Variants in ZNF518A observed in about 807,000 individuals in gnomAD.
The protein encoded by ZNF518A is zinc finger protein 518A, also known as zinc finger protein 518.
ZNF518A carries 47 observed loss-of-function variants against 102.7 expected under a neutral mutation model. That is an observed-to-expected ratio of 0.46 (90% CI 0.36 to 0.58). The LOEUF (loss-of-function observed/expected upper bound fraction) is 0.58, where lower values mean the gene tolerates loss of function less well. ZNF518A is among the 20% of genes least tolerant of loss of function. The probability of loss-of-function intolerance (pLI) is 0.00; values close to 1 mark genes in which losing one functional copy is unlikely to be tolerated. For missense variants in ZNF518A, 1,793 were observed against 1,699.8 expected, an observed-to-expected ratio of 1.05 and a Z score of -0.96; for synonymous variants, 652 against 594.6, an observed-to-expected ratio of 1.10 and a Z score of -1.40.
At chr10:96,175,388 C>T (rs2083197032) in intron 1 of ZNF518A, among the ~76,000 whole-genome samples, 1 of 152,112 alleles carries the variant, frequency 6.6e-6, no homozygotes, top group Admixed American at 6.5e-5. Flanking sequence ...TAATCTGGTC[C>T]CAAAACCTCA....
At chr10:96,187,064 A>G (rs1450256114) in intron 1 of ZNF518A, among the ~76,000 whole-genome samples, 1 of 152,240 alleles carries the variant, frequency 6.6e-6, no homozygotes, top group Non-Finnish European at 1.5e-5. Context: ...CCAAAGACCC[A>G]CAGTTCTCAT....
chr10:96,131,204 A>C (rs1277109742), intron 1 of ZNF518A, among the ~76,000 whole-genome samples: 1 of 152,258 alleles, frequency 6.6e-6, no homozygotes, highest in Non-Finnish European at 1.5e-5. Context: ...CCAAACTGTC[A>C]GGATAGGAAT....
rs1341584670 is a variant in ZNF518A at position 96,162,689 on chromosome 10, T to C, written c.*1915T>C. On this transcript the variant is annotated 3_prime_UTR_variant, in exon 6 of 6. Coordinates refer to ENST00000316045, the MANE Select transcript of ZNF518A (RefSeq NM_001330736.2). ...TTTAAAGAATGGTAAGCATTGTTAA[T>C]TTCTGTAATGAACATTTTCAATTAA... 1 of 166,070 alleles carries C rather than the reference T, an allele frequency of 6.0e-6. No homozygotes were observed. Among genetic ancestry groups the C allele is most frequent in the Non-Finnish European group, 1.5e-5 (1 of 68,016 alleles). 10.3% of individuals were successfully genotyped at this position (166,070 alleles called of 1,614,324 possible).
chr10:96,181,080 T>G (rs2133892560), intron 1 of ZNF518A, among the ~76,000 whole-genome samples: 1 of 152,366 alleles, frequency 6.6e-6, no homozygotes, highest in South Asian at 2.1e-4. Flanking sequence ...TTGATTTGCA[T>G]TTCTCTGATG....
intron 1 of ZNF518A, among the ~76,000 whole-genome samples, chr10:96,173,075 GTAT>G (rs1203083865): frequency 6.6e-6 from 1 of 152,054 alleles, no homozygotes; most frequent in Non-Finnish European, 1.5e-5. Context: ...ATTGTATTAG[GTAT>G]TATAAGTAAT....
downstream of ZNF518A, chr10:96,204,700 C>T (rs114356183): frequency 1.1e-3 from 1,372 of 1,293,270 alleles, 7 homozygotes; most frequent in African/African-American, 0.018. Flanking sequence ...CTGAGAAGAA[C>T]CAAATTTGAT....
At chr10:96,204,407 A>C, downstream of ZNF518A, 1 of 1,152,916 alleles carries the variant, frequency 8.7e-7, no homozygotes, top group Non-Finnish European at 1.3e-6. Flanking sequence ...ACGTAACTGC[A>C]AAACAATGAA....
At chr10:96,180,084 T>A (rs587663579) in intron 1 of ZNF518A, among the ~76,000 whole-genome samples, 7 of 151,856 alleles carry the variant, frequency 4.6e-5, no homozygotes, top group Non-Finnish European at 7.4e-5. Context: ...TTCACCCTGT[T>A]GGCCAGGTTG....
At chr10:96,137,329 A>G (rs587760068) in intron 3 of ZNF518A, among the ~76,000 whole-genome samples, 62 of 152,316 alleles carry the variant, frequency 4.1e-4, no homozygotes, top group African/African-American at 1.4e-3. Context: ...TCCCACCTTT[A>G]AAAAACAAAA....
intron 3 of ZNF518A, among the ~76,000 whole-genome samples, chr10:96,153,827 TCTC>T (rs1554881217): frequency 6.6e-6 from 1 of 152,088 alleles, no homozygotes; most frequent in Non-Finnish European, 1.5e-5. Flanking sequence ...TGAGTTTCCA[TCTC>T]CTAGGCACCT....
At chr10:96,135,301 C>T (rs1591102219) in intron 3 of ZNF518A, 2 of 152,198 alleles carry the variant, frequency 1.3e-5, no homozygotes, top group Non-Finnish European at 2.9e-5. Context: ...TAAGTGGTAC[C>T]TACTTTTCTT....
exon 3 of ZNF518A, chr10:96,204,035 T>C (rs2083729594): frequency 6.2e-7 from 1 of 1,607,702 alleles, no homozygotes; most frequent in Non-Finnish European, 8.5e-7. Flanking sequence ...CCTGATACAC[T>C]ACATGGCTTC....
intron 1 of ZNF518A, among the ~76,000 whole-genome samples, chr10:96,186,835 A>G (rs2083274614): frequency 6.6e-6 from 1 of 152,258 alleles, no homozygotes; most frequent in Non-Finnish European, 1.5e-5. Flanking sequence ...AAACCATAGC[A>G]ATATCCTTCT....
chr10:96,194,431 C>A (rs2083407013), intron 1 of ZNF518A, among the ~76,000 whole-genome samples: 1 of 152,128 alleles, frequency 6.6e-6, no homozygotes, highest in Non-Finnish European at 1.5e-5. Context: ...CACCATGACA[C>A]TGGATTTGGC....
At position 96,157,019 on chromosome 10, in the gene ZNF518A, C is replaced by T; in HGVS notation, c.697C>T (p.His233Tyr). 2 of 1,613,710 alleles carry T rather than the reference C, an allele frequency of 1.2e-6. No individual in the cohort carries two copies. Among genetic ancestry groups the T allele is most frequent in the Non-Finnish European group, 1.7e-6 (2 of 1,179,752 alleles). ...GCACATTCATAGACATAATGAAATT[C>T]ATTATAAGTGTGGTAAATGTCATCA... ...VQHIHRHNEI[H>Y]YKCGKCHHVC... Residue 233 changes from histidine to tyrosine, a missense_variant, in exon 6 of 6, where the codon CAT becomes TAT. Transcript: ENST00000316045.
intron 1 of ZNF518A, among the ~76,000 whole-genome samples, chr10:96,199,706 C>A (rs2083576948): frequency 6.6e-6 from 1 of 152,118 alleles, no homozygotes; most frequent in African/African-American, 2.4e-5. Flanking sequence ...AGGCTGAGGG[C>A]AAAACGTGTG....
At chr10:96,132,798 T>G (rs2081403982) in intron 2 of ZNF518A, 128 bp downstream of exon 2, 1 of 152,094 alleles carries the variant, frequency 6.6e-6, no homozygotes, top group Admixed American at 6.6e-5. Flanking sequence ...GAATGCAAAA[T>G]TTTTTGAGTG....
rs1489357478 is a variant in ZNF518A, at chr10:96,158,414, G to A, written c.2092G>A (p.Ala698Thr). The change falls in exon 6 of 6, where the codon GCA (alanine) becomes ACA (threonine). Residue 698 changes from alanine to threonine, a missense_variant. Physicochemically the swap from Ala to Thr is moderately conservative, Grantham distance 58. Transcript: ENST00000316045. Reference protein sequence around the residue: ...QESSKPDSLLASISLLNDKDG... With the variant: ...QESSKPDSLLTSISLLNDKDG... Reference sequence around the variant, plus strand: ...GAGCTCAAAACCAGATAGCCTATTAGCATCTATTAGCCTTTTAAATGATAA... The same window carrying A: ...GAGCTCAAAACCAGATAGCCTATTAACATCTATTAGCCTTTTAAATGATAA... 6.2e-7 allele frequency: 1 copy of A among 1,613,422 alleles called. No individual in the cohort carries two copies. Among genetic ancestry groups the A allele is most frequent in the Non-Finnish European group, 8.5e-7 (1 of 1,179,726 alleles).
At position 96,158,236 on chromosome 10, in the gene ZNF518A, T is replaced by A. The variant is rs372035063; in HGVS notation, c.1914T>A (p.Pro638=). The A allele has an allele frequency of 8.1e-6, 13 of 1,613,684 alleles. No individual in the cohort carries two copies. The African/African-American group carries it at 1.6e-4, about 20-fold the overall frequency. ...AATCCTCCAACCAAGGATCATTACC[T>A]TTTCATAATTACTCAAAAGTGAATA... ...PVESSNQGSL[P]FHNYSKVNNS... The change falls in exon 6 of 6, where the codon CCT becomes CCA. Residue 638 remains proline (P), a synonymous_variant. Coordinates refer to ENST00000316045, the MANE Select transcript of ZNF518A (RefSeq NM_001330736.2).
Sources: allele counts gnomAD v4.1 joint callset (sites outside exome capture counted in the v4.1 genomes callset), GRCh38; gene constraint gnomAD v4.1.1; transcripts MANE v1.5; gene names NCBI Gene and HGNC (gene_info 2026-07-23, HGNC 2026-07-21).